PAX2: variants seen among roughly 807,000 people sequenced by gnomAD.
The protein encoded by PAX2 is paired box 2.
Under a neutral mutation model 41.7 loss-of-function variants are expected in PAX2, and 9 were observed. The ratio of observed to expected loss-of-function variants is 0.22; its 90% confidence interval spans 0.13 to 0.38. PAX2 has a LOEUF of 0.38. Among genes scored for constraint, PAX2 ranks in the 10% least tolerant of loss-of-function variants. The pLI, the probability that PAX2 is intolerant of heterozygous loss-of-function variation, is 1.00. For synonymous variants in PAX2, 221 were observed against 212.7 expected (o/e 1.04, Z -0.34); for missense variants, 418 against 531.6 (o/e 0.79, Z 2.10).
chr10:100,810,549 C>T (rs1847956620), intron 7 of PAX2, among the ~76,000 whole-genome samples: 2 of 152,254 alleles, frequency 1.3e-5, no homozygotes, highest in South Asian at 4.1e-4. Flanking sequence ...ATCCTTCGCC[C>T]AGCTGGGAAG....
intron 6 of PAX2, among the ~76,000 whole-genome samples, chr10:100,807,238 A>C (rs1350246122): frequency 6.6e-6 from 1 of 152,072 alleles, no homozygotes; most frequent in African/African-American, 2.4e-5. Context: ...ACCATCTCCG[A>C]ACTTTTCTAT....
chr10:100,802,863 T>G (rs1274553066), intron 5 of PAX2, among the ~76,000 whole-genome samples: 4 of 152,140 alleles, frequency 2.6e-5, no homozygotes, highest in Admixed American at 2.6e-4. Flanking sequence ...AAACCTAGAT[T>G]AAGATCGGCT....
At chr10:100,801,531 T>C (rs1847563408) in intron 5 of PAX2, among the ~76,000 whole-genome samples, 1 of 152,244 alleles carries the variant, frequency 6.6e-6, no homozygotes, top group Non-Finnish European at 1.5e-5. Context: ...GCACCTGGAA[T>C]GGCCCAGTCC....
chr10:100,735,468 G>A, exon 1 of PAX2: 1 of 236,112 alleles, frequency 4.2e-6, no homozygotes, highest in Non-Finnish European at 8.2e-6. Context: ...GCGCGGGGCG[G>A]AGAACCCGGG....
intron 1 of PAX2, chr10:100,749,339 C>T: frequency 2.0e-6 from 2 of 1,011,290 alleles, no homozygotes; most frequent in South Asian, 9.2e-5. Flanking sequence ...GGGTTGCCTG[C>T]GGCGCAGGCG....
intron 7 of PAX2, among the ~76,000 whole-genome samples, chr10:100,812,288 C>G (rs889574524): frequency 2.0e-5 from 3 of 152,254 alleles, no homozygotes; most frequent in Non-Finnish European, 4.4e-5. Flanking sequence ...AAATTTATCA[C>G]CCACTTTCCC....
chr10:100,811,617 G>A (rs1261305958), intron 7 of PAX2, among the ~76,000 whole-genome samples: 7 of 152,260 alleles, frequency 4.6e-5, no homozygotes. Flanking sequence ...GAGGCCCTTA[G>A]TGTATTTGTG....
intron 5 of PAX2, among the ~76,000 whole-genome samples, chr10:100,786,771 G>C (rs1846884068): frequency 1.3e-5 from 2 of 152,200 alleles, no homozygotes; most frequent in African/African-American, 4.8e-5. Context: ...TAGGGCCCAA[G>C]ACTAGGGAGA....
intron 3 of PAX2, among the ~76,000 whole-genome samples, chr10:100,778,694 G>T (rs1389791585): frequency 6.6e-6 from 1 of 152,150 alleles, no homozygotes; most frequent in Non-Finnish European, 1.5e-5. Flanking sequence ...TCAGATCCCT[G>T]AAAAGCAGGC....
chr10:100,760,543 G>A (rs1193865549), intron 3 of PAX2, among the ~76,000 whole-genome samples: 2 of 152,242 alleles, frequency 1.3e-5, no homozygotes, highest in Non-Finnish European at 2.9e-5. Flanking sequence ...CAAGCCATGT[G>A]TGATGGCCAG....
At chr10:100,738,903 G>C (rs1157889322) in intron 1 of PAX2, among the ~76,000 whole-genome samples, 1 of 152,050 alleles carries the variant, frequency 6.6e-6, no homozygotes. Flanking sequence ...GATGGCTCTG[G>C]ACCTTGGAGG....
chr10:100,824,725 T>C lies in PAX2; in HGVS notation c.997T>C (p.Ser333Pro). 1 of 1,604,946 alleles carries C rather than the reference T, an allele frequency of 6.2e-7. No individual in the cohort carries two copies. Residue 333 changes from serine (S) to proline (P), a missense_variant, in exon 8 of 10, where the codon TCC becomes CCC. Coordinates refer to ENST00000355243, the MANE Select transcript of PAX2 (RefSeq NM_000278.5). This position sits in a 1 kb window ranked among gnomAD's most constrained non-coding sequence, Gnocchi z 6.6. ...CACTGGCCAGGGAAGCTACCCCACCTCCACCCTGGCAGGAATGGTGCCTGG... is the reference window on the plus strand; with the variant it reads ...CACTGGCCAGGGAAGCTACCCCACCCCCACCCTGGCAGGAATGGTGCCTGG... ...PPTGQGSYPT[S>P]TLAGMVPGSE... is the part of the protein sequence containing the mutation.
chr10:100,776,137 C>T lies in PAX2; in HGVS notation c.411-3361C>T, dbSNP rs1458303083. ...TCCAGGTCTTTCCTACCCAAGAAGG[C>T]CTTCCCTCCACTTAGCTGCCCGTTC... is the stretch of plus-strand genomic sequence containing the variant. On this transcript the variant is annotated intron_variant, in intron 3 of 9. Transcript: ENST00000355243. Among the ~76,000 whole-genome samples the T allele has an allele frequency of 3.3e-5, 5 of 152,326 alleles. No individual in the cohort carries two copies. The East Asian group carries it at 9.6e-4, about 29-fold the overall frequency.
chr10:100,738,494 AC>A (rs1844846804), intron 1 of PAX2, among the ~76,000 whole-genome samples: 1 of 151,646 alleles, frequency 6.6e-6, no homozygotes, highest in Non-Finnish European at 1.5e-5. Context: ...CTTTTTACAC[AC>A]CCTCACAACA....
At chr10:100,816,819 G>A (rs536076836) in intron 7 of PAX2, among the ~76,000 whole-genome samples, 17 of 152,298 alleles carry the variant, frequency 1.1e-4, no homozygotes, top group South Asian at 4.1e-4. Context: ...TGGTGGTGGC[G>A]GCTGGGCTGG....
rs145269035 is a variant in PAX2 at position 100,766,590 on chromosome 10, G to A, written c.411-12908G>A. ...CTCCAAATCAGGCAGACCTGTTCTC[G>A]TTTGGTAAAGTCGTAACTGTTCAGC... On this transcript the variant is annotated intron_variant, in intron 3 of 9. Transcript: ENST00000355243. Among the ~76,000 whole-genome samples the A allele has an allele frequency of 4.6e-3, 702 of 152,266 alleles. 2 individuals carry two copies. The highest frequency in any genetic ancestry group is 0.014 in the African/African-American group (592 of 41,544).
chr10:100,760,615 G>T (rs949181973), intron 3 of PAX2, among the ~76,000 whole-genome samples: 2 of 152,188 alleles, frequency 1.3e-5, no homozygotes, highest in Non-Finnish European at 2.9e-5. Context: ...TTGTGTGTCT[G>T]CTGACGTCCT....
chr10:100,809,009 C>A lies in PAX2; in HGVS notation c.793-101C>A, dbSNP rs577495429. 46 of 1,093,440 alleles carry A rather than the reference C, an allele frequency of 4.2e-5. 1 individual carries two copies. In the South Asian group the frequency reaches 5.4e-4, roughly 13 times the overall value. The allele number at this position is 1,093,440 out of a possible 1,614,324, so 67.7% of individuals were successfully genotyped here. ...TCTGCCCCACCATCTCTTTCTACCC[C>A]ATCTGGGCGGGCTCCCCTGTTCCTC... On this transcript the variant is annotated intron_variant, in intron 6 of 9. Transcript: ENST00000355243.
At chr10:100,821,085 C>T (rs1354725116) in intron 7 of PAX2, among the ~76,000 whole-genome samples, 1 of 152,224 alleles carries the variant, frequency 6.6e-6, no homozygotes, top group Non-Finnish European at 1.5e-5. Flanking sequence ...GATTCCATTA[C>T]CCATTCATAT....
Sources: gnomAD v4.1 joint callset for allele counts (sites outside exome capture counted in the v4.1 genomes callset) on GRCh38, gnomAD v4.1.1 for gene constraint, Gnocchi (gnomAD v3.1) non-coding constraint, MANE v1.5 for transcripts, NCBI Gene and HGNC (gene_info 2026-07-23, HGNC 2026-07-21) for gene names.